PACRG: variants seen among roughly 807,000 people sequenced by gnomAD.
PACRG encodes parkin coregulated, also known as parkin coregulated gene protein.
PACRG carries 29 observed loss-of-function variants against 29.7 expected under a neutral mutation model. The ratio of observed to expected loss-of-function variants is 0.98; its 90% CI spans 0.73 to 1.33. PACRG has a LOEUF of 1.33. Among genes scored for constraint, PACRG ranks in the 40% most tolerant of loss-of-function variants. The pLI is 0.00. For missense variants in PACRG, 279 were observed against 316.2 expected (o/e 0.88, Z 0.89); for synonymous variants, 116 against 118.7 (o/e 0.98, Z 0.15).
intron 2 of PACRG, among the ~76,000 whole-genome samples, chr6:163,037,321 C>T (rs908456421): frequency 6.6e-6 from 1 of 152,228 alleles, no homozygotes; most frequent in Non-Finnish European, 1.5e-5. Context: ...CAATCTGCCT[C>T]ACGTTGTCCT....
At chr6:163,070,867 C>T (rs1811977649) in intron 3 of PACRG, among the ~76,000 whole-genome samples, 1 of 151,538 alleles carries the variant, frequency 6.6e-6, no homozygotes, top group Non-Finnish European at 1.5e-5. Flanking sequence ...AAAGATATTC[C>T]ATGCCAATGG....
At chr6:163,004,781 G>C (rs1172009555) in intron 2 of PACRG, among the ~76,000 whole-genome samples, 1 of 144,882 alleles carries the variant, frequency 6.9e-6, no homozygotes, top group East Asian at 2.0e-4. Context: ...ATCTATGTAT[G>C]GGATTTAAAC....
intron 4 of PACRG, among the ~76,000 whole-genome samples, chr6:163,094,627 T>C (rs1814407820): frequency 1.3e-5 from 2 of 152,222 alleles, no homozygotes; most frequent in African/African-American, 2.4e-5. Context: ...CCTTTTCTTA[T>C]ATAGAGCTTG....
intron 2 of PACRG, among the ~76,000 whole-genome samples, chr6:162,975,589 C>T (rs1801882698): frequency 1.3e-5 from 2 of 152,150 alleles, no homozygotes; most frequent in South Asian, 4.1e-4. Context: ...ACACTTTTCA[C>T]TGAAGATAAG....
intron 2 of PACRG, among the ~76,000 whole-genome samples, chr6:162,837,042 T>C (rs1789287830): frequency 6.6e-6 from 1 of 152,122 alleles, no homozygotes; most frequent in South Asian, 2.1e-4. Flanking sequence ...TTAACAATGG[T>C]TGACCTGATT....
chr6:162,727,903 T>A (rs919118921), upstream of PACRG: 31 of 591,816 alleles, frequency 5.2e-5, no homozygotes, highest in Non-Finnish European at 7.1e-5. Context: ...ACCGCCGCCC[T>A]TTCCGGCTTC....
chr6:162,730,084 C>G (rs1279938089), intron 1 of PACRG, among the ~76,000 whole-genome samples: 1 of 149,170 alleles, frequency 6.7e-6, no homozygotes, highest in Non-Finnish European at 1.5e-5. Flanking sequence ...TTTTAATACC[C>G]AGTGTTTGCT....
intron 4 of PACRG, among the ~76,000 whole-genome samples, chr6:163,304,040 T>TAAAAAAAA (rs1554245110): frequency 2.1e-4 from 24 of 111,956 alleles, no homozygotes; most frequent in Admixed American, 3.5e-4. Flanking sequence ...AAAAAAAAAG[T>TAAAAAAAA]AAATGGGATA....
At chr6:163,309,930 G>A (rs568443253) in intron 4 of PACRG, 1 of 152,348 alleles carries the variant, frequency 6.6e-6, no homozygotes, top group South Asian at 2.1e-4. Flanking sequence ...TATAGATAGA[G>A]TTCATAAATG....
At chr6:162,839,665 GC>G (rs1359607415) in intron 2 of PACRG, among the ~76,000 whole-genome samples, 1 of 151,986 alleles carries the variant, frequency 6.6e-6, no homozygotes, top group Non-Finnish European at 1.5e-5. Flanking sequence ...TGAAGTCCTT[GC>G]CCATGCCTAT....
chr6:163,197,444 T>TTTCTTTTCTTTTCTTTTC (rs1562959298), intron 4 of PACRG, among the ~76,000 whole-genome samples: 5 of 120,942 alleles, frequency 4.1e-5, no homozygotes, highest in African/African-American at 1.8e-4. Flanking sequence ...CTTTTTTTTT[T>TTTCTTTTCTTTTCTTTTC]TTTTTTTTTT....
intron 4 of PACRG, among the ~76,000 whole-genome samples, chr6:163,116,320 C>G (rs1815989862): frequency 1.3e-5 from 2 of 152,146 alleles, no homozygotes. Flanking sequence ...TGAACTCATA[C>G]ACTATCGTGA....
At chr6:163,161,509 T>C (rs1298664544) in intron 4 of PACRG, among the ~76,000 whole-genome samples, 1 of 152,242 alleles carries the variant, frequency 6.6e-6, no homozygotes, top group Non-Finnish European at 1.5e-5. Context: ...AGTTCCTTCT[T>C]GATGGACATT....
intron 2 of PACRG, among the ~76,000 whole-genome samples, chr6:162,825,692 T>C (rs902635928): frequency 7.9e-5 from 12 of 152,184 alleles, no homozygotes; most frequent in Non-Finnish European, 1.5e-4. Flanking sequence ...CTTGAGCTCC[T>C]GGGGTGTGAC....
At chr6:163,092,413 C>T (rs369569964) in intron 4 of PACRG, among the ~76,000 whole-genome samples, 8 of 152,284 alleles carry the variant, frequency 5.3e-5, no homozygotes, top group African/African-American at 1.4e-4. Flanking sequence ...CCCATCTACA[C>T]GATCAGAGCA....
chr6:163,253,023 A>G (rs917756124), intron 4 of PACRG, among the ~76,000 whole-genome samples: 1 of 152,226 alleles, frequency 6.6e-6, no homozygotes, highest in Non-Finnish European at 1.5e-5. Flanking sequence ...CTGGCCAGGC[A>G]TGGTGGCTCG....
intron 1 of PACRG, among the ~76,000 whole-genome samples, chr6:162,740,551 C>T (rs1182080059): frequency 2.7e-5 from 4 of 150,024 alleles, no homozygotes; most frequent in African/African-American, 9.8e-5. Flanking sequence ...CTCCTGACCT[C>T]GCGATCCACC....
chr6:163,153,474 G>T (rs186742458), intron 4 of PACRG, among the ~76,000 whole-genome samples: 1 of 152,138 alleles, frequency 6.6e-6, no homozygotes, highest in Admixed American at 6.5e-5. Flanking sequence ...GCAATATTAG[G>T]TAATATATTT....
At chr6:162,825,533 G>C (rs894992388) in intron 2 of PACRG, among the ~76,000 whole-genome samples, 9 of 152,104 alleles carry the variant, frequency 5.9e-5, no homozygotes, top group Non-Finnish European at 1.3e-4. Context: ...TTTACTTTCA[G>C]TGAATATCAA....
Sources: allele counts gnomAD v4.1 joint callset (sites outside exome capture counted in the v4.1 genomes callset), GRCh38; gene constraint gnomAD v4.1.1; transcripts MANE v1.5; gene names NCBI Gene and HGNC (gene_info 2026-07-23, HGNC 2026-07-21).